DOK6: variants seen among roughly 807,000 people sequenced by gnomAD.
DOK6 encodes the protein docking protein 6.
In DOK6, 22 loss-of-function variants were observed where a neutral mutation model predicts 44.0. The ratio of observed to expected loss-of-function variants is 0.50; its 90% CI spans 0.36 to 0.71. The LOEUF (loss-of-function observed/expected upper bound fraction) is 0.71, where lower values mean the gene tolerates loss of function less well. DOK6 is among the 30% of genes least tolerant of loss of function. The pLI, the probability that DOK6 is intolerant of heterozygous loss-of-function variation, is 0.00. For synonymous variants in DOK6, 166 were observed against 145.5 expected, an observed-to-expected ratio of 1.14 and a Z score of -1.01; for missense variants, 340 against 416.4, an observed-to-expected ratio of 0.82 and a Z score of 1.60.
At chr18:69,413,121 A>G (rs1022020935) in intron 1 of DOK6, among the ~76,000 whole-genome samples, 2 of 152,170 alleles carry the variant, frequency 1.3e-5, no homozygotes, top group African/African-American at 4.8e-5. Flanking sequence ...TTTTGAAATA[A>G]TAAAAACTTT....
chr18:69,808,556 A>G (rs1981123131), intron 7 of DOK6, among the ~76,000 whole-genome samples: 1 of 151,768 alleles, frequency 6.6e-6, no homozygotes, highest in African/African-American at 2.4e-5. Context: ...AGAGAAACAG[A>G]GAAGAGACTC....
At chr18:69,726,263 A>G (rs1978306689) in intron 5 of DOK6, among the ~76,000 whole-genome samples, 1 of 152,098 alleles carries the variant, frequency 6.6e-6, no homozygotes, top group Non-Finnish European at 1.5e-5. Flanking sequence ...TCACTGAATA[A>G]CGCTCTTGTT....
intron 1 of DOK6, among the ~76,000 whole-genome samples, chr18:69,464,636 A>G (rs1297762993): frequency 3.3e-5 from 5 of 152,230 alleles, no homozygotes; most frequent in African/African-American, 4.8e-5. Context: ...GACATCATCT[A>G]TAAAGTTCTG....
rs941083218 is a variant in DOK6 at position 69,841,513 on chromosome 18, T to C, written c.*130T>C. The C allele has an allele frequency of 3.9e-6, 5 of 1,291,830 alleles. No homozygotes were observed. Among genetic ancestry groups the C allele is most frequent in the African/African-American group, 1.5e-5 (1 of 67,606 alleles). The allele number at this position is 1,291,830 out of a possible 1,614,324, so 80.0% of individuals were successfully genotyped here. A position where few individuals can be genotyped will look rare whatever the true frequency, so the allele number is the denominator to read the frequency against. Reference sequence around the variant, plus strand: ...TGGGTCGGCTCTAGCCCCAGTCCCATTGGAAGGTTAAAAACTGGAGTTCTG... The same window carrying C: ...TGGGTCGGCTCTAGCCCCAGTCCCACTGGAAGGTTAAAAACTGGAGTTCTG... On this transcript the variant is annotated 3_prime_UTR_variant, in exon 8 of 8. Coordinates refer to ENST00000382713, the MANE Select transcript of DOK6 (RefSeq NM_152721.6).
intron 1 of DOK6, among the ~76,000 whole-genome samples, chr18:69,410,091 T>G (rs1023639902): frequency 1.3e-5 from 2 of 152,256 alleles, no homozygotes; most frequent in Non-Finnish European, 2.9e-5. Flanking sequence ...CTACCAATTT[T>G]ATGTATAAGT....
intron 1 of DOK6, among the ~76,000 whole-genome samples, chr18:69,509,164 A>G (rs1290662567): frequency 6.6e-6 from 1 of 152,150 alleles, no homozygotes; most frequent in African/African-American, 2.4e-5. Context: ...TCTTTCCTTC[A>G]TCAGAGAACC....
chr18:69,721,900 C>G (rs1334643423), intron 5 of DOK6, among the ~76,000 whole-genome samples: 4 of 152,252 alleles, frequency 2.6e-5, no homozygotes, highest in Admixed American at 2.0e-4. Context: ...CTCCGTAAGG[C>G]AAACTGTGAA....
At chr18:69,764,268 G>A (rs1258241745) in intron 7 of DOK6, among the ~76,000 whole-genome samples, 6 of 152,140 alleles carry the variant, frequency 3.9e-5, no homozygotes, top group African/African-American at 1.4e-4. Context: ...AATATGAGCT[G>A]AACACAGTGC....
chr18:69,754,351 C>A (rs1271297527), intron 6 of DOK6, among the ~76,000 whole-genome samples: 373 of 121,352 alleles, frequency 3.1e-3, no homozygotes, highest in East Asian at 4.5e-3. Context: ...ACCCTATCTC[C>A]AAAAAAAAAA....
At chr18:69,738,630 G>A (rs534357208) in intron 5 of DOK6, among the ~76,000 whole-genome samples, 7 of 152,162 alleles carry the variant, frequency 4.6e-5, no homozygotes, top group Non-Finnish European at 1.0e-4. Flanking sequence ...GATAGTCTAT[G>A]TCATAATGGC....
chr18:69,795,919 G>A (rs775414803), intron 7 of DOK6, among the ~76,000 whole-genome samples: 6 of 152,164 alleles, frequency 3.9e-5, no homozygotes, highest in Non-Finnish European at 8.8e-5. Context: ...CTTTGACCAC[G>A]TAGGGAAAGA....
At chr18:69,754,928 G>A (rs1979306645) in intron 6 of DOK6, among the ~76,000 whole-genome samples, 1 of 152,168 alleles carries the variant, frequency 6.6e-6, no homozygotes, top group African/African-American at 2.4e-5. Context: ...TACACATGGG[G>A]AATGGACTCT....
intron 1 of DOK6, among the ~76,000 whole-genome samples, chr18:69,563,556 A>C (rs1293394699): frequency 6.6e-6 from 1 of 150,992 alleles, no homozygotes; most frequent in Non-Finnish European, 1.5e-5. Context: ...CAAGGACAAA[A>C]AATCAAACAC....
chr18:69,575,219 G>T (rs1983210982), intron 2 of DOK6, among the ~76,000 whole-genome samples: 1 of 152,074 alleles, frequency 6.6e-6, no homozygotes, highest in South Asian at 2.1e-4. Context: ...GCATGATTTT[G>T]CACTCACAGA....
At chr18:69,715,996 T>C (rs1986873030) in intron 5 of DOK6, among the ~76,000 whole-genome samples, 1 of 152,258 alleles carries the variant, frequency 6.6e-6, no homozygotes. Flanking sequence ...TTCGTTATTC[T>C]GCTAGAATTA....
intron 7 of DOK6, chr18:69,781,352 T>C (rs1312704323): frequency 6.6e-6 from 1 of 152,214 alleles, no homozygotes; most frequent in African/African-American, 2.4e-5. Flanking sequence ...TCACTCACCA[T>C]CTGTTCATGG....
chr18:69,520,414 C>A (rs1030554738), intron 1 of DOK6, among the ~76,000 whole-genome samples: 1 of 151,426 alleles, frequency 6.6e-6, no homozygotes, highest in Non-Finnish European at 1.5e-5. Flanking sequence ...GTTTTTTTAT[C>A]TTACTTCTCT....
intron 5 of DOK6, among the ~76,000 whole-genome samples, chr18:69,711,958 GATTAATC>G: frequency 6.6e-6 from 1 of 152,216 alleles, no homozygotes; most frequent in East Asian, 1.9e-4. Flanking sequence ...GACAATTGAT[GATTAATC>G]ATTCTCTATA....
chr18:69,571,811 A>G (rs534788514), intron 2 of DOK6, among the ~76,000 whole-genome samples: 234 of 152,192 alleles, frequency 1.5e-3, no homozygotes, highest in African/African-American at 5.2e-3. Flanking sequence ...CTTTCTCACC[A>G]AATGATAGAC....
Sources: gnomAD v4.1 joint callset for allele counts (sites outside exome capture counted in the v4.1 genomes callset) on GRCh38, gnomAD v4.1.1 for gene constraint, MANE v1.5 for transcripts, NCBI Gene and HGNC (gene_info 2026-07-23, HGNC 2026-07-21) for gene names.